Variants in PLIN5 observed in about 807,000 individuals in gnomAD.
PLIN5 encodes perilipin-5.
PLIN5 carries 34 observed loss-of-function variants against 32.8 expected under a neutral mutation model. The observed-to-expected ratio is 1.04, with a 90% CI of 0.79 to 1.38. The LOEUF (loss-of-function observed/expected upper bound fraction) is 1.38. Among genes scored for constraint, PLIN5 ranks in the 40% most tolerant of loss-of-function variants. The probability of loss-of-function intolerance (pLI) is 0.00; values close to 1 mark genes in which losing one functional copy is unlikely to be tolerated. For synonymous variants in PLIN5, 309 were observed against 292.9 expected (o/e 1.05, Z -0.56); for missense variants, 712 against 660.5 (o/e 1.08, Z -0.85).
intron 7 of PLIN5, among the ~76,000 whole-genome samples, chr19:4,524,481 G>A (rs1167323622): frequency 6.6e-6 from 1 of 152,194 alleles, no homozygotes; most frequent in Non-Finnish European, 1.5e-5. Context: ...GAACCCGGGA[G>A]GCGGAGGTTG....
Position 4,523,336 on chromosome 19 carries a change from G to A in PLIN5, c.*192C>T, listed in dbSNP as rs1015764140. The A allele has an allele frequency of 3.2e-5, 19 of 586,290 alleles. No individual in the cohort carries two copies. The highest frequency in any genetic ancestry group is 5.2e-5 in the Non-Finnish European group (19 of 364,020). The allele number at this position is 586,290 out of a possible 1,614,324, so 36.3% of individuals were successfully genotyped here. On this transcript the variant is annotated 3_prime_UTR_variant, in exon 8 of 8. Transcript: ENST00000381848. The surrounding 1 kb of genome is among the most constrained non-coding windows in gnomAD (Gnocchi z 5.0). ...AGGGTTCGAGGCCCTGCTCCCCCGG[G>A]CCTCTTTGTCCATGTGTTCAAGGAA...
At chr19:4,524,143 G>T in intron 7 of PLIN5, 58 bp from the exon 8 acceptor site, 1 of 1,374,086 alleles carries the variant, frequency 7.3e-7, no homozygotes, top group Non-Finnish European at 9.4e-7. Context: ...CTGCTGTCCT[G>T]CCTCGGTTTC....
In PLIN5 at chr19:4,533,929, C is replaced by T. The variant is rs555050185; in HGVS notation, c.60+86G>A. The T allele has an allele frequency of 7.0e-6, 10 of 1,436,164 alleles. No homozygotes were observed. In the East Asian group the frequency reaches 7.4e-5, roughly 11 times the overall value. 89.0% of individuals were successfully genotyped at this position (1,436,164 alleles called of 1,614,324 possible). ...TTTCCCAGCAAGGAGAGGAGTGGGGCGGGATACCTGGCCTGAAACGCTCCT... is the reference window on the plus strand; with the variant it reads ...TTTCCCAGCAAGGAGAGGAGTGGGGTGGGATACCTGGCCTGAAACGCTCCT... On this transcript the variant is annotated intron_variant, in intron 2 of 7. Transcript: ENST00000381848.
chr19:4,527,528 G>C (rs933538381), intron 5 of PLIN5, among the ~76,000 whole-genome samples: 6 of 102,598 alleles, frequency 5.8e-5, no homozygotes, highest in African/African-American at 2.3e-4. Flanking sequence ...GACAGAGTGA[G>C]ACTCCACTTC....
At chr19:4,533,975 A>G in intron 2 of PLIN5, 40 bp downstream of exon 2, 1 of 1,596,998 alleles carries the variant, frequency 6.3e-7, no homozygotes, top group Non-Finnish European at 8.5e-7. Flanking sequence ...GTCCCACACA[A>G]TACCTTCTGT....
intron 2 of PLIN5, 107 bp from the exon 3 acceptor site, chr19:4,531,929 G>A: frequency 8.2e-7 from 1 of 1,215,734 alleles, no homozygotes; most frequent in Non-Finnish European, 1.1e-6. Context: ...GAGAGTGGAA[G>A]GATGGAGTAC....
At chr19:4,528,410 TTTC>T (rs990840627) in intron 5 of PLIN5, 11 of 151,042 alleles carry the variant, frequency 7.3e-5, no homozygotes, top group African/African-American at 2.2e-4. Context: ...GTGTCTAGTT[TTTC>T]TTTTTTTTTT....
At chr19:4,528,851 G>A (rs1012501701) in intron 5 of PLIN5, 1 of 421,756 alleles carries the variant, frequency 2.4e-6, no homozygotes. Context: ...AAGTCTAAAA[G>A]CCCTATATGC....
At chr19:4,529,544 GTATA>G (rs757945676) in intron 4 of PLIN5, 18 of 406,754 alleles carry the variant, frequency 4.4e-5, no homozygotes, top group Middle Eastern at 6.3e-4. Flanking sequence ...ATACTTATAC[GTATA>G]TATACATATA....
At position 4,525,686 on chromosome 19, in the gene PLIN5, T is replaced by G. The variant is rs1976791594; in HGVS notation, c.667A>C (p.Ser223Arg). The G allele has an allele frequency of 1.2e-6, 2 of 1,613,746 alleles. No individual in the cohort carries two copies. Among genetic ancestry groups the G allele is most frequent in the African/African-American group, 2.7e-5 (2 of 75,022 alleles). ...AGGGTGTCCTGGGCACGGTGTTTGC[T>G]CTGCCTCAGTTTCCCCACAGAGTGC... ...YEHSVGKLRQSKHRAQDTLAQ... is the reference protein window; with the variant it reads ...YEHSVGKLRQRKHRAQDTLAQ... The change falls in exon 6 of 8, where the codon AGC (serine) becomes CGC (arginine). Residue 223 changes from serine (S) to arginine (R), a missense_variant. Transcript: ENST00000381848. This position sits in a 1 kb window ranked among gnomAD's most constrained non-coding sequence, Gnocchi z 5.6.
At chr19:4,527,566 A>G (rs1007757276) in intron 5 of PLIN5, among the ~76,000 whole-genome samples, 1 of 143,486 alleles carries the variant, frequency 7.0e-6, no homozygotes, top group Non-Finnish European at 1.5e-5. Context: ...AAAAAAAAAA[A>G]CAACAATGGT....
chr19:4,531,384 C>T (rs993448592), intron 3 of PLIN5, among the ~76,000 whole-genome samples: 2 of 152,050 alleles, frequency 1.3e-5, no homozygotes, highest in Admixed American at 1.3e-4. Flanking sequence ...CTCAAGTGAT[C>T]CTCCTTCCTC....
At chr19:4,534,708 G>T (rs1976926310) in intron 1 of PLIN5, among the ~76,000 whole-genome samples, 1 of 152,062 alleles carries the variant, frequency 6.6e-6, no homozygotes, top group South Asian at 2.1e-4. Flanking sequence ...CACCTCTCTG[G>T]GCTGCTTCCT....
Position 4,529,872 on chromosome 19 carries a change from G to A in PLIN5, c.257-6C>T. The A allele has an allele frequency of 6.3e-7, 1 of 1,592,576 alleles. No individual in the cohort carries two copies. Among genetic ancestry groups the A allele is most frequent in the East Asian group, 2.2e-5 (1 of 44,570 alleles). The stretch of plus-strand genomic sequence containing the variant: ...GAGGCTGTTCATAGTGGCCACTGAA[G>A]GGAGAGAGGCGGGGAGTGAGACTCG... On this transcript the variant is annotated splice_polypyrimidine_tract_variant and splice_region_variant and intron_variant, in intron 3 of 7. Transcript: ENST00000381848.
chr19:4,528,058 C>T (rs1021584763), intron 5 of PLIN5, among the ~76,000 whole-genome samples: 8 of 151,832 alleles, frequency 5.3e-5, no homozygotes, highest in East Asian at 4.0e-4. Context: ...TACAGGCGCC[C>T]GCCACCACGC....
At chr19:4,527,488 A>C (rs1403101842) in intron 5 of PLIN5, among the ~76,000 whole-genome samples, 1 of 147,376 alleles carries the variant, frequency 6.8e-6, no homozygotes, top group East Asian at 2.0e-4. Context: ...GCAGTGAGCC[A>C]AGATCATATC....
At chr19:4,529,308 GC>G (rs1196737992) in intron 4 of PLIN5, 55 bp from the exon 5 acceptor site, 8 of 1,524,196 alleles carry the variant, frequency 5.2e-6, no homozygotes, top group South Asian at 1.3e-5. Context: ...CTCCATTTCT[GC>G]CACCCTAGTT....
rs1162787414 is a variant in PLIN5 at position 4,531,622 on chromosome 19, C to T, written c.256+5G>A. On this transcript the variant is annotated splice_donor_5th_base_variant and intron_variant, in intron 3 of 7. Coordinates refer to ENST00000381848, the MANE Select transcript of PLIN5 (RefSeq NM_001013706.3). ...GCTCCCAGGGACACGGGCCAGGGCA[C>T]TCACGCTGGGGCTGCAGGTGCTCGA... 6.6e-7 allele frequency: 1 copy of T among 1,509,670 alleles called. No individual in the cohort carries two copies. The highest frequency in any genetic ancestry group is 2.0e-5 in the Admixed American group (1 of 49,416). 93.5% of individuals were successfully genotyped at this position (1,509,670 alleles called of 1,614,324 possible).
chr19:4,523,456 G>T lies in PLIN5; in HGVS notation c.*72C>A, dbSNP rs1976755630. On this transcript the variant is annotated 3_prime_UTR_variant, in exon 8 of 8. Transcript: ENST00000381848. This position sits in a 1 kb window ranked among gnomAD's most constrained non-coding sequence, Gnocchi z 5.0. ...CAAGGCCAAGGCCTCGAGCTTACGT[G>T]TGGCCACCAGGGGGCAGCAGGGATC... 2 of 1,470,326 alleles carry T rather than the reference G, an allele frequency of 1.4e-6. No homozygotes were observed. Among genetic ancestry groups the T allele is most frequent in the Non-Finnish European group, 1.8e-6 (2 of 1,101,990 alleles). The allele number at this position is 1,470,326 out of a possible 1,614,324, so 91.1% of individuals were successfully genotyped here.
Sources: allele counts gnomAD v4.1 joint callset (sites outside exome capture counted in the v4.1 genomes callset), GRCh38; gene constraint gnomAD v4.1.1; non-coding constraint Gnocchi (gnomAD v3.1); transcripts MANE v1.5; gene names NCBI Gene and HGNC (gene_info 2026-07-23, HGNC 2026-07-21).